The following RPRD2 variants were observed in gnomAD, a reference collection of about 807,000 sequenced individuals.
The protein encoded by RPRD2 is regulation of nuclear pre-mRNA domain-containing protein 2.
RPRD2 carries 12 observed loss-of-function variants against 104.4 expected under a neutral mutation model. The ratio of observed to expected loss-of-function variants is 0.11; its 90% CI spans 0.07 to 0.19. The LOEUF is 0.19. Ranked by LOEUF, RPRD2 falls within the 10% of genes least tolerant of loss-of-function variation. The probability of loss-of-function intolerance (pLI) is 1.00; values close to 1 mark genes in which losing one functional copy is unlikely to be tolerated. For missense variants in RPRD2, 1,543 were observed against 1,790.1 expected (o/e 0.86, Z 2.49); for synonymous variants, 714 against 684.9 (o/e 1.04, Z -0.66).
chr1:150,388,414 A>G (rs190754747), intron 1 of RPRD2, among the ~76,000 whole-genome samples: 26 of 148,956 alleles, frequency 1.7e-4, no homozygotes, highest in African/African-American at 6.1e-4. Flanking sequence ...GTATATACAC[A>G]TGTATATATA....
intron 1 of RPRD2, among the ~76,000 whole-genome samples, 153 bp from the exon 2 acceptor site, chr1:150,417,443 C>A (rs1315152241): frequency 6.6e-6 from 1 of 152,072 alleles, no homozygotes; most frequent in African/African-American, 2.4e-5. Flanking sequence ...CATCCTTCCT[C>A]CCTTCCATCC....
In RPRD2 at chr1:150,364,912, C is replaced by T. The variant is rs1553876934; in HGVS notation, c.198C>T (p.Leu66=). 1.2e-6 allele frequency: 2 copies of T among 1,613,794 alleles called. No individual in the cohort carries two copies. The highest frequency in any genetic ancestry group is 1.3e-5 in the African/African-American group (1 of 74,994). ...TCGTCTATCATTGGATGAAGTGGCT[C>T]CGGAGATGTGAGTGTTGGGGGTGAC... is the stretch of plus-strand genomic sequence containing the variant. The part of the protein sequence containing the change: ...STIVYHWMKW[L]RRSAYPHRLN... Residue 66 remains leucine, a synonymous_variant, in exon 1 of 11, where the codon CTC becomes CTT. Coordinates refer to ENST00000369068, the MANE Select transcript of RPRD2 (RefSeq NM_015203.5).
chr1:150,387,566 C>CTTTT (rs1661661325), intron 1 of RPRD2, among the ~76,000 whole-genome samples: 9 of 70,132 alleles, frequency 1.3e-4, no homozygotes, highest in Non-Finnish European at 2.0e-4. Flanking sequence ...TTGCAACAGA[C>CTTTT]CTTTTTTTTT....
At chr1:150,455,946 C>G (rs961331618) in intron 7 of RPRD2, among the ~76,000 whole-genome samples, 1 of 152,064 alleles carries the variant, frequency 6.6e-6, no homozygotes, top group African/African-American at 2.4e-5. Context: ...AAGTAGCTGG[C>G]ACTACAGGCA....
chr1:150,452,501 T>C (rs1418082911), intron 7 of RPRD2, among the ~76,000 whole-genome samples: 2 of 152,208 alleles, frequency 1.3e-5, no homozygotes, highest in Non-Finnish European at 2.9e-5. Flanking sequence ...AATATCTTGT[T>C]CCTTACCAGA....
At chr1:150,425,811 C>T (rs1292933694) in intron 2 of RPRD2, among the ~76,000 whole-genome samples, 2 of 151,502 alleles carry the variant, frequency 1.3e-5, no homozygotes, top group Admixed American at 6.6e-5. Flanking sequence ...GGAAACTGAA[C>T]ATTAAAAAGT....
rs1668783175 is a variant in RPRD2 at position 150,474,334 on chromosome 1, A to G, written c.*1000A>G. 1 of 152,216 alleles carries G rather than the reference A, an allele frequency of 6.6e-6. No homozygotes were observed. The highest frequency in any genetic ancestry group is 2.4e-5 in the African/African-American group (1 of 41,458). The allele number at this position is 152,216 out of a possible 1,614,324, so 9.4% of individuals were successfully genotyped here. ...TGGTGGTTTTCAACAAAGGTTAACT[A>G]TTAAAGAAAGAAATATTTGTCTTTA... On this transcript the variant is annotated 3_prime_UTR_variant, in exon 11 of 11. Transcript: ENST00000369068.
intron 2 of RPRD2, among the ~76,000 whole-genome samples, chr1:150,437,823 G>T (rs948598306): frequency 9.9e-5 from 15 of 151,878 alleles, no homozygotes; most frequent in South Asian, 4.2e-4. Context: ...CAGGTGATCC[G>T]CCAGCTTCAG....
rs1560184977 is a variant in RPRD2 at position 150,417,621 on chromosome 1, C to G, written c.231C>G (p.Leu77=). Reference sequence around the variant, plus strand: ...CTGCATATCCCCACCGTTTGAATCTCTTTTACCTTGCCAATGATGTCATAC... The same window carrying G: ...CTGCATATCCCCACCGTTTGAATCTGTTTTACCTTGCCAATGATGTCATAC... ...RRSAYPHRLN[L]FYLANDVIQN... Residue 77 remains leucine, a synonymous_variant, in exon 2 of 11, where the codon CTC becomes CTG. Coordinates refer to ENST00000369068, the MANE Select transcript of RPRD2 (RefSeq NM_015203.5). 2 of 1,594,868 alleles carry G rather than the reference C, an allele frequency of 1.3e-6. No individual in the cohort carries two copies. Among genetic ancestry groups the G allele is most frequent in the South Asian group, 1.1e-5 (1 of 88,664 alleles).
In RPRD2 at chr1:150,441,778, C is replaced by G; in HGVS notation, c.437-103C>G. On this transcript the variant is annotated intron_variant, in intron 3 of 10. Transcript: ENST00000369068. ...GAAAAGGAAAGAAAGAAACAACACACAGTCTCGGATTGCCTTTTTTCATGC... is the reference window on the plus strand; with the variant it reads ...GAAAAGGAAAGAAAGAAACAACACAGAGTCTCGGATTGCCTTTTTTCATGC... 4 of 619,308 alleles carry G rather than the reference C, an allele frequency of 6.5e-6. No individual in the cohort carries two copies. In the South Asian group the frequency reaches 9.1e-5, roughly 14 times the overall value. The allele number at this position is 619,308 out of a possible 1,614,324, so 38.4% of individuals were successfully genotyped here. A position where few individuals can be genotyped will look rare whatever the true frequency, so the allele number is the denominator to read the frequency against.
At chr1:150,386,554 A>G (rs1190545985) in intron 1 of RPRD2, among the ~76,000 whole-genome samples, 2 of 152,200 alleles carry the variant, frequency 1.3e-5, no homozygotes, top group Non-Finnish European at 2.9e-5. Context: ...TCTGTGGTAC[A>G]TATTGAGCAG....
intron 1 of RPRD2, among the ~76,000 whole-genome samples, chr1:150,397,929 T>C (rs1553884517): frequency 4.0e-4 from 61 of 151,942 alleles, no homozygotes; most frequent in Non-Finnish European, 1.5e-5. Context: ...TTGTTTCTGT[T>C]TTTAGTAGAG....
chr1:150,411,973 A>G (rs1663967143), intron 1 of RPRD2, among the ~76,000 whole-genome samples: 1 of 151,664 alleles, frequency 6.6e-6, no homozygotes, highest in South Asian at 2.1e-4. Context: ...AAATACAAAA[A>G]TTAGCCGGGC....
chr1:150,454,049 T>C (rs1667363430), intron 7 of RPRD2, among the ~76,000 whole-genome samples: 1 of 152,166 alleles, frequency 6.6e-6, no homozygotes, highest in South Asian at 2.1e-4. Context: ...CTAGTCCTTG[T>C]TTCCTCATCA....
rs782592981 is a variant in RPRD2 at position 150,457,449 on chromosome 1, G to A, written c.1032G>A (p.Glu344=). Residue 344 remains glutamate, a synonymous_variant, in exon 8 of 11, where the codon GAG becomes GAA. Coordinates refer to ENST00000369068, the MANE Select transcript of RPRD2 (RefSeq NM_015203.5). ...SESPFQGMGG[E]ESQSPTMESE... ...CTCCTTTTCAGGGAATGGGAGGTGAGGAATCCCAGTCACCAACCATGGAGA... is the reference window on the plus strand; with the variant it reads ...CTCCTTTTCAGGGAATGGGAGGTGAAGAATCCCAGTCACCAACCATGGAGA... 4 of 1,613,850 alleles carry A rather than the reference G, an allele frequency of 2.5e-6. No homozygotes were observed. The highest frequency in any genetic ancestry group is 2.2e-5 in the East Asian group (1 of 44,870).
chr1:150,432,138 C>T (rs1230617731), intron 2 of RPRD2, among the ~76,000 whole-genome samples: 1 of 144,914 alleles, frequency 6.9e-6, no homozygotes, highest in Non-Finnish European at 1.5e-5. Context: ...AATGACATTA[C>T]ACTTTCTTCT....
chr1:150,382,111 A>C (rs1403765015), intron 1 of RPRD2, among the ~76,000 whole-genome samples: 1 of 152,218 alleles, frequency 6.6e-6, no homozygotes, highest in Non-Finnish European at 1.5e-5. Context: ...CGTTTTATGC[A>C]GGCCTGTCTG....
intron 9 of RPRD2, among the ~76,000 whole-genome samples, chr1:150,463,043 A>G (rs1668040728): frequency 6.6e-6 from 1 of 152,072 alleles, no homozygotes. Context: ...TTTGGTAGAG[A>G]CAGTGTCTTA....
At chr1:150,400,477 G>A (rs959268064) in intron 1 of RPRD2, among the ~76,000 whole-genome samples, 15 of 152,268 alleles carry the variant, frequency 9.9e-5, no homozygotes, top group South Asian at 4.1e-4. Flanking sequence ...ATCATCAGGC[G>A]TTGTTCTTAT....
Sources: gnomAD v4.1 joint callset for allele counts (sites outside exome capture counted in the v4.1 genomes callset) on GRCh38, gnomAD v4.1.1 for gene constraint, MANE v1.5 for transcripts, NCBI Gene and HGNC (gene_info 2026-07-23, HGNC 2026-07-21) for gene names.